The following ZNF780B variants were observed in gnomAD, a reference collection of about 807,000 sequenced individuals.
ZNF780B encodes zinc finger protein 780B.
A neutral mutation model predicts 74.1 loss-of-function variants in ZNF780B; 52 were observed. The observed-to-expected ratio is 0.70, with a 90% CI of 0.56 to 0.88. ZNF780B has a LOEUF of 0.88. Ranked by LOEUF, ZNF780B falls within the 40% of genes least tolerant of loss-of-function variation. ZNF780B has a pLI of 0.00. For synonymous variants in ZNF780B, 315 were observed against 324.3 expected (o/e 0.97, Z 0.31); for missense variants, 953 against 1,007.6 (o/e 0.95, Z 0.73).
chr19:40,047,409 A>C lies in ZNF780B; in HGVS notation c.198T>G (p.Ile66Met), dbSNP rs887279863. ...TLLEQEKEPW[I>M]VVSKETSRWY... ...ATCTGCTTGTTTCTTTACTTACAAC[A>C]ATCCAGGGCTCTTTCTCTTGCTCTA... The change falls in exon 4 of 5, where the codon ATT becomes ATG. Residue 66 changes from isoleucine to methionine, a missense_variant. By Grantham distance (10) the Ile-to-Met change is conservative. Transcript: ENST00000434248. 10 of 1,613,954 alleles carry C rather than the reference A, an allele frequency of 6.2e-6. No homozygotes were observed. The Admixed American group carries it at 1.7e-4, about 27-fold the overall frequency.
At chr19:40,041,477 C>T (rs1167486028) in intron 4 of ZNF780B, among the ~76,000 whole-genome samples, 3 of 152,050 alleles carry the variant, frequency 2.0e-5, no homozygotes, top group Non-Finnish European at 4.4e-5. Context: ...CTTTCTGTCT[C>T]GTTGATCTGT....
rs762761847 is a variant in ZNF780B, at chr19:40,035,233, T to C, written c.1626A>G (p.Leu542=). The C allele has an allele frequency of 1.2e-6, 2 of 1,613,930 alleles. No homozygotes were observed. Among genetic ancestry groups the C allele is most frequent in the Non-Finnish European group, 1.7e-6 (2 of 1,180,008 alleles). ...KECGKAFRLH[L]QLSQHEKTHT... ...GAGTTTTCTCATGTTGAGAAAGTTG[T>C]AGGTGAAGTCTAAAAGCCTTCCCAC... Residue 542 remains leucine, a synonymous_variant, in exon 5 of 5, where the codon CTA becomes CTG. Transcript: ENST00000434248.
rs1444928632 is a variant in ZNF780B at position 40,031,713 on chromosome 19, T to A, written c.*2644A>T. ...TGTACTGAGTACAGTGTCAGCCATA[T>A]CACACAAGTTGAATTATGTTGACGC... On this transcript the variant is annotated 3_prime_UTR_variant, in exon 5 of 5. Coordinates refer to ENST00000434248, the MANE Select transcript of ZNF780B (RefSeq NM_001005851.3). 1 of 217,302 alleles carries A rather than the reference T, an allele frequency of 4.6e-6. No homozygotes were observed. The highest frequency in any genetic ancestry group is 9.4e-6 in the Non-Finnish European group (1 of 106,018). 13.5% of individuals were successfully genotyped at this position (217,302 alleles called of 1,614,324 possible).
rs184093526 is a variant in ZNF780B at position 40,034,595 on chromosome 19, C to T, written c.2264G>A (p.Cys755Tyr). The T allele has an allele frequency of 1.9e-6, 3 of 1,614,066 alleles. No homozygotes were observed. Among genetic ancestry groups the T allele is most frequent in the East Asian group, 2.2e-5 (1 of 44,868 alleles). Residue 755 changes from cysteine to tyrosine, a missense_variant, in exon 5 of 5, where the codon TGT becomes TAT. Coordinates refer to ENST00000434248, the MANE Select transcript of ZNF780B (RefSeq NM_001005851.3). ...IIHTGEKPFK[C>Y]KECGKAFNRG... is the part of the protein sequence containing the mutation. ...ATTAAAGGCCTTCCCACACTCCTTA[C>T]ATTTAAATGGCTTCTCACCAGTATG...
At position 40,031,508 on chromosome 19, in the gene ZNF780B, C is replaced by T. The variant is rs1971999024; in HGVS notation, c.*2849G>A. On this transcript the variant is annotated 3_prime_UTR_variant, in exon 5 of 5. Transcript: ENST00000434248. ...AAGTGCTGGGATTACAGGCATGAGG[C>T]CACTGCTCCCGGCTTAATGGTATCA... 1 of 152,324 alleles carries T rather than the reference C, an allele frequency of 6.6e-6. No individual in the cohort carries two copies. The highest frequency in any genetic ancestry group is 1.5e-5 in the Non-Finnish European group (1 of 68,122). The allele number at this position is 152,324 out of a possible 1,614,324, so 9.4% of individuals were successfully genotyped here.
At chr19:40,053,656 TCTAA>T (rs1282619110) in intron 1 of ZNF780B, among the ~76,000 whole-genome samples, 17 of 152,156 alleles carry the variant, frequency 1.1e-4, no homozygotes, top group Admixed American at 1.0e-3. Flanking sequence ...ATGGAATCAA[TCTAA>T]CTGTCTATCA....
rs184638527 is a variant in ZNF780B at position 40,053,617 on chromosome 19, A to G, written c.-46+2572T>C. ...AAGAGACACCTGCACACCCATGTTTATTGCAGCACTATTCACAATAGCCAA... is the reference window on the plus strand; with the variant it reads ...AAGAGACACCTGCACACCCATGTTTGTTGCAGCACTATTCACAATAGCCAA... On this transcript the variant is annotated intron_variant, in intron 1 of 4. Coordinates refer to ENST00000434248, the MANE Select transcript of ZNF780B (RefSeq NM_001005851.3). Among the ~76,000 whole-genome samples the G allele has an allele frequency of 3.3e-5, 5 of 152,328 alleles. No homozygotes were observed. The East Asian group carries it at 7.7e-4, about 24-fold the overall frequency.
At chr19:40,055,064 G>C (rs1599805787) in intron 1 of ZNF780B, among the ~76,000 whole-genome samples, 1 of 152,206 alleles carries the variant, frequency 6.6e-6, no homozygotes, top group African/African-American at 2.4e-5. Flanking sequence ...CTTGGAAAAG[G>C]AGGCCTGTAA....
chr19:40,035,883 T>A lies in ZNF780B; in HGVS notation c.976A>T (p.Ile326Phe), dbSNP rs1349925742. The A allele has an allele frequency of 6.2e-7, 1 of 1,613,612 alleles. No individual in the cohort carries two copies. Among genetic ancestry groups the A allele is most frequent in the East Asian group, 2.2e-5 (1 of 44,808 alleles). Residue 326 changes from isoleucine to phenylalanine, a missense_variant, in exon 5 of 5, where the codon ATT becomes TTT. Coordinates refer to ENST00000434248, the MANE Select transcript of ZNF780B (RefSeq NM_001005851.3). ...YHYQLIEHCR[I>F]HTGEKPFECK... ...TCAAAGGGTTTCTCGCCAGTATGAA[T>A]TCGGCAATGTTCAATGAGTTGGTAA...
Position 40,031,037 on chromosome 19 carries a change from T to G in ZNF780B, c.*3320A>C, listed in dbSNP as rs191353336. 7.9e-5 allele frequency: 12 copies of G among 152,290 alleles called. No individual in the cohort carries two copies. The highest frequency in any genetic ancestry group is 4.6e-4 in the Admixed American group (7 of 15,302). The allele number at this position is 152,290 out of a possible 1,614,324, so 9.4% of individuals were successfully genotyped here. A position where few individuals can be genotyped will look rare whatever the true frequency, so the allele number is the denominator to read the frequency against. ...ATAGATGCAATTAAATGGTAAAAGA[T>G]AGAATTAAGTAGTCTATTGAAAGAA... On this transcript the variant is annotated 3_prime_UTR_variant, in exon 5 of 5. Transcript: ENST00000434248.
chr19:40,047,757 C>T (rs1346884962), intron 3 of ZNF780B, among the ~76,000 whole-genome samples: 11 of 152,146 alleles, frequency 7.2e-5, no homozygotes, highest in Non-Finnish European at 1.2e-4. Flanking sequence ...CTGCCACCCA[C>T]TAGTACTTTG....
At chr19:40,054,264 T>C (rs1973375345) in intron 1 of ZNF780B, among the ~76,000 whole-genome samples, 1 of 152,096 alleles carries the variant, frequency 6.6e-6, no homozygotes, top group African/African-American at 2.4e-5. Flanking sequence ...GAAATGTTGG[T>C]CAAAGGATAT....
intron 4 of ZNF780B, among the ~76,000 whole-genome samples, chr19:40,040,654 G>C (rs562676865): frequency 6.6e-6 from 1 of 152,146 alleles, no homozygotes; most frequent in African/African-American, 2.4e-5. Context: ...TGTATGTGTC[G>C]AGGAATTTAT....
intron 4 of ZNF780B, among the ~76,000 whole-genome samples, 153 bp from the exon 5 acceptor site, chr19:40,036,779 A>T (rs566652739): frequency 6.6e-6 from 1 of 152,184 alleles, no homozygotes; most frequent in African/African-American, 2.4e-5. Flanking sequence ...TTTATGTAAG[A>T]TGGTGGTGTG....
At chr19:40,038,939 G>T (rs535055836) in intron 4 of ZNF780B, among the ~76,000 whole-genome samples, 3,282 of 151,942 alleles carry the variant, frequency 0.022, 74 homozygotes, top group African/African-American at 0.056. Flanking sequence ...GTCAATTTTG[G>T]CTTTTGTTGC....
rs1207125136 is a variant in ZNF780B, at chr19:40,034,460, T to C, written c.2399A>G (p.Gln800Arg). 1.9e-6 allele frequency: 3 copies of C among 1,613,618 alleles called. No homozygotes were observed. Among genetic ancestry groups the C allele is most frequent in the Non-Finnish European group, 2.5e-6 (3 of 1,179,904 alleles). Residue 800 changes from glutamine (Q) to arginine (R), a missense_variant, in exon 5 of 5, where the codon CAA becomes CGA. Transcript: ENST00000434248. ...FRLHLQLSLHQKLVQVRNPLN... is the reference protein window; with the variant it reads ...FRLHLQLSLHRKLVQVRNPLN... Reference sequence around the variant, plus strand: ...AGGGTTTCTCACCTGTACAAGTTTTTGATGCAGAGAAAGTTGTAGGTGAAG... The same window carrying C: ...AGGGTTTCTCACCTGTACAAGTTTTCGATGCAGAGAAAGTTGTAGGTGAAG...
chr19:40,035,635 C>T lies in ZNF780B; in HGVS notation c.1224G>A (p.Gln408=). The change falls in exon 5 of 5, where the codon CAG becomes CAA. Residue 408 remains glutamine, a synonymous_variant. Coordinates refer to ENST00000434248, the MANE Select transcript of ZNF780B (RefSeq NM_001005851.3). ...FNRSSNLIQH[Q]SIHADVKPYE... is the part of the protein sequence containing the mutation. The stretch of plus-strand genomic sequence containing the variant: ...ATGGTTTTACATCAGCATGAATACT[C>T]TGGTGTTGAATAAGGTTTGAACTAC... The T allele has an allele frequency of 5.6e-6, 9 of 1,613,496 alleles. No individual in the cohort carries two copies. Among genetic ancestry groups the T allele is most frequent in the Non-Finnish European group, 7.6e-6 (9 of 1,179,884 alleles).
chr19:40,039,329 T>C (rs1599772604), intron 4 of ZNF780B, among the ~76,000 whole-genome samples: 2 of 152,350 alleles, frequency 1.3e-5, no homozygotes, highest in East Asian at 3.8e-4. Context: ...GTAGTATAGT[T>C]TGAAGTCAGG....
chr19:40,040,302 T>C (rs1599774483), intron 4 of ZNF780B, among the ~76,000 whole-genome samples: 1 of 152,330 alleles, frequency 6.6e-6, no homozygotes, highest in South Asian at 2.1e-4. Flanking sequence ...TGCTGCTGGA[T>C]TCGGTTTGCC....
Sources: allele counts gnomAD v4.1 joint callset (sites outside exome capture counted in the v4.1 genomes callset), GRCh38; gene constraint gnomAD v4.1.1; transcripts MANE v1.5; gene names NCBI Gene and HGNC (gene_info 2026-07-23, HGNC 2026-07-21).